PADI4: variants seen among roughly 807,000 people sequenced by gnomAD.
PADI4 encodes peptidyl arginine deiminase 4.
In PADI4, 62 loss-of-function variants were observed where a neutral mutation model predicts 75.0. The observed-to-expected ratio is 0.83, with a 90% CI of 0.67 to 1.02. PADI4 has a LOEUF of 1.02. PADI4 is among the 50% of genes least tolerant of loss of function. PADI4 has a pLI of 0.00. For synonymous variants in PADI4, 361 were observed against 348.1 expected, an observed-to-expected ratio of 1.04 and a Z score of -0.41; for missense variants, 845 against 850.5, an observed-to-expected ratio of 0.99 and a Z score of 0.08.
At chr1:17,326,217 C>G (rs917237943) in intron 1 of PADI4, among the ~76,000 whole-genome samples, 1 of 152,104 alleles carries the variant, frequency 6.6e-6, no homozygotes, top group Non-Finnish European at 1.5e-5. Flanking sequence ...TAAGAACCAA[C>G]TTTTGGCTTT....
chr1:17,331,096 G>T lies in PADI4; in HGVS notation c.220G>T (p.Val74Leu), dbSNP rs772051391. 2.5e-5 allele frequency: 40 copies of T among 1,612,568 alleles called. No individual in the cohort carries two copies. Among genetic ancestry groups the T allele is most frequent in the East Asian group, 4.5e-5 (2 of 44,772 alleles). Residue 74 changes from valine (V) to leucine (L), a missense_variant, in exon 2 of 16, where the codon GTA becomes TTA. Transcript: ENST00000375448. ...CTCCACATGGCCCCTGGACCCTGGG[G>T]TAGAGGTGACCCTGACGATGAAAGT... Reference protein sequence around the residue: ...GSSTWPLDPGVEVTLTMKVAS... With the variant: ...GSSTWPLDPGLEVTLTMKVAS...
intron 8 of PADI4, among the ~76,000 whole-genome samples, chr1:17,344,335 G>A (rs534871509): frequency 6.0e-4 from 92 of 152,320 alleles, no homozygotes; most frequent in Non-Finnish European, 1.1e-3. Flanking sequence ...GGGAAGCAGA[G>A]CATAAAAGTT....
At chr1:17,359,217 T>TCCCCCCCC in intron 14 of PADI4, 63 bp from the exon 15 acceptor site, 1 of 647,816 alleles carries the variant, frequency 1.5e-6, no homozygotes, top group Non-Finnish European at 2.6e-6. Context: ...CCCCACACTG[T>TCCCCCCCC]CCCCCACCCC....
At chr1:17,363,488 G>T (rs754941509) in intron 15 of PADI4, 34 bp from the exon 16 acceptor site, 1 of 1,501,418 alleles carries the variant, frequency 6.7e-7, no homozygotes, top group South Asian at 1.1e-5. Context: ...GCTGCCCGCT[G>T]CTGCCTGTGA....
intron 3 of PADI4, chr1:17,334,220 G>A (rs2074268634): frequency 3.5e-6 from 2 of 571,024 alleles, no homozygotes; most frequent in Non-Finnish European, 6.5e-6. Flanking sequence ...GGCAGTGGTG[G>A]TGCGGGGAAT....
intron 1 of PADI4, among the ~76,000 whole-genome samples, chr1:17,313,524 AAAGG>A (rs2073878667): frequency 6.9e-6 from 1 of 145,082 alleles, no homozygotes; most frequent in Admixed American, 6.9e-5. Flanking sequence ...AAAAAAAAGG[AAAGG>A]AAGGAAAGAA....
intron 6 of PADI4, among the ~76,000 whole-genome samples, chr1:17,340,668 T>C (rs2074401293): frequency 6.7e-6 from 1 of 148,686 alleles, no homozygotes; most frequent in South Asian, 2.1e-4. Context: ...GGAGGTCAGG[T>C]AGGCGTATAT....
intron 2 of PADI4, among the ~76,000 whole-genome samples, chr1:17,333,110 G>A (rs979109824): frequency 4.6e-5 from 7 of 152,192 alleles, no homozygotes; most frequent in African/African-American, 1.4e-4. Flanking sequence ...TAACAAGACA[G>A]CATTTGTACT....
chr1:17,315,315 C>A (rs1174938524), intron 1 of PADI4, among the ~76,000 whole-genome samples: 1 of 152,084 alleles, frequency 6.6e-6, no homozygotes, highest in African/African-American at 2.4e-5. Flanking sequence ...GGAAACTATG[C>A]CTGTCACACA....
intron 15 of PADI4, among the ~76,000 whole-genome samples, chr1:17,362,202 A>ACT (rs1206072689): frequency 6.6e-6 from 1 of 151,912 alleles, no homozygotes; most frequent in Non-Finnish European, 1.5e-5. Flanking sequence ...ACATGGAGAA[A>ACT]CTCTGTCTCT....
chr1:17,339,864 A>C, intron 6 of PADI4, 51 bp downstream of exon 6: 1 of 1,540,538 alleles, frequency 6.5e-7, no homozygotes, highest in Non-Finnish European at 8.8e-7. Flanking sequence ...ACGGGGCACA[A>C]TCCTGTCACA....
In PADI4 at chr1:17,351,056, G is replaced by T. The variant is rs1489330344; in HGVS notation, c.1155+3008G>T. On this transcript the variant is annotated intron_variant, in intron 10 of 15. Coordinates refer to ENST00000375448, the MANE Select transcript of PADI4 (RefSeq NM_012387.3). ...AAAAAAAAATTGTTTCAATTAACTA[G>T]GCATGGTAACACATGCCTGTAGTCC... Among the ~76,000 whole-genome samples the T allele has an allele frequency of 1.6e-5, 2 of 126,074 alleles. 1 individual carries two copies. Among genetic ancestry groups the T allele is most frequent in the African/African-American group, 5.1e-5 (2 of 39,262 alleles). 82.7% of individuals were successfully genotyped at this position (126,074 alleles called of 152,430 possible).
chr1:17,354,640 G>A lies in PADI4; in HGVS notation c.1263G>A (p.Lys421=). The A allele has an allele frequency of 6.2e-7, 1 of 1,613,916 alleles. No individual in the cohort carries two copies. Among genetic ancestry groups the A allele is most frequent in the Admixed American group, 1.7e-5 (1 of 59,988 alleles). ...EVSPPVTVRG[K]EYPLGRILFG... ...GCCCCCCAGTCACAGTCAGGGGCAA[G>A]GAATACCCGCTGGGCAGGATTCTCT... The change falls in exon 11 of 16, where the codon AAG becomes AAA. Residue 421 remains lysine, a synonymous_variant. Transcript: ENST00000375448.
Position 17,352,177 on chromosome 1 carries a change from G to C in PADI4, c.1156-2356G>C, listed in dbSNP as rs1185043892. 2.0e-5 allele frequency among the ~76,000 whole-genome samples: 3 copies of C among 146,604 alleles called. No homozygotes were observed. In the East Asian group the frequency reaches 6.0e-4, roughly 29 times the overall value. The stretch of plus-strand genomic sequence containing the variant: ...ATCAGGGAGGTGATGAGAGGTGGTA[G>C]GAGAGGCGGTCAGGGAGGAGATGGG... On this transcript the variant is annotated intron_variant, in intron 10 of 15. Transcript: ENST00000375448.
intron 10 of PADI4, among the ~76,000 whole-genome samples, chr1:17,351,682 A>G (rs190977328): frequency 6.6e-6 from 1 of 151,040 alleles, no homozygotes; most frequent in Admixed American, 6.6e-5. Context: ...GGAGAAGCTG[A>G]CCTTGCAGCA....
rs202100380 is a variant in PADI4 at position 17,331,140 on chromosome 1, C to A, written c.264C>A (p.Gly88=). The A allele has an allele frequency of 1.9e-6, 3 of 1,609,380 alleles. No individual in the cohort carries two copies. The highest frequency in any genetic ancestry group is 3.4e-5 in the Admixed American group (2 of 59,236). Residue 88 remains glycine (G), a synonymous_variant, in exon 2 of 16, where the codon GGC becomes GGA. Coordinates refer to ENST00000375448, the MANE Select transcript of PADI4 (RefSeq NM_012387.3). Reference sequence around the variant, plus strand: ...TGAAAGTGGCCAGTGGTAGCACAGGCGACCAGAAGGTGAGTGTCATAGCTG... The same window carrying A: ...TGAAAGTGGCCAGTGGTAGCACAGGAGACCAGAAGGTGAGTGTCATAGCTG... ...LTMKVASGST[G]DQKVQISYYG...
intron 15 of PADI4, 81 bp from the exon 16 acceptor site, chr1:17,363,441 G>A (rs1335121369): frequency 1.1e-6 from 1 of 939,948 alleles, no homozygotes; most frequent in East Asian, 2.6e-5. Context: ...ATTTCCAAAG[G>A]TCAGAGAAGG....
At chr1:17,355,894 C>A (rs1377424698) in intron 11 of PADI4, 89 bp from the exon 12 acceptor site, 2 of 1,356,922 alleles carry the variant, frequency 1.5e-6, no homozygotes, top group Non-Finnish European at 2.1e-6. Flanking sequence ...TGAAGGAGAA[C>A]CCTGACCTTT....
intron 5 of PADI4, 143 bp downstream of exon 5, chr1:17,338,298 T>C (rs2074353839): frequency 1.6e-6 from 1 of 618,570 alleles, no homozygotes; most frequent in Non-Finnish European, 3.0e-6. Flanking sequence ...GGTGAAGCAA[T>C]GGGCAAAGGC....
Sources: gnomAD v4.1 joint callset for allele counts (sites outside exome capture counted in the v4.1 genomes callset) on GRCh38, gnomAD v4.1.1 for gene constraint, MANE v1.5 for transcripts, NCBI Gene and HGNC (gene_info 2026-07-23, HGNC 2026-07-21) for gene names.